DPYD: variants seen among roughly 807,000 people sequenced by gnomAD.
DPYD encodes dihydropyrimidine dehydrogenase [NADP(+)].
A neutral mutation model predicts 116.2 loss-of-function variants in DPYD; 109 were observed. The ratio of observed to expected loss-of-function variants is 0.94; its 90% CI spans 0.80 to 1.10. DPYD has a LOEUF of 1.10. Among genes scored for constraint, DPYD ranks in the 50% least tolerant of loss-of-function variants. The pLI is 0.00. For synonymous variants in DPYD, 440 were observed against 432.0 expected (o/e 1.02, Z -0.23); for missense variants, 1,302 against 1,254.5 (o/e 1.04, Z -0.57).
chr1:97,140,022 ATTT>A (rs796701262), intron 20 of DPYD, among the ~76,000 whole-genome samples: 3 of 146,686 alleles, frequency 2.0e-5, no homozygotes, highest in Middle Eastern at 3.5e-3. Context: ...GGCAACTGAC[ATTT>A]TTTTTTTTTT....
chr1:97,364,504 C>T (rs1670920577), intron 16 of DPYD, among the ~76,000 whole-genome samples: 1 of 152,148 alleles, frequency 6.6e-6, no homozygotes, highest in African/African-American at 2.4e-5. Flanking sequence ...AATTGTAATT[C>T]ATGCTTTAAA....
intron 15 of DPYD, among the ~76,000 whole-genome samples, chr1:97,381,605 T>C (rs2101560783): frequency 6.6e-6 from 1 of 152,324 alleles, no homozygotes; most frequent in African/African-American, 2.4e-5. Flanking sequence ...AAATAAAATG[T>C]ATAATCAACA....
intron 18 of DPYD, among the ~76,000 whole-genome samples, chr1:97,238,394 T>C (rs1662098353): frequency 6.6e-6 from 1 of 152,120 alleles, no homozygotes; most frequent in Non-Finnish European, 1.5e-5. Context: ...AGCATTTTTA[T>C]GGGGAATAGT....
Position 97,913,659 on chromosome 1 carries a change from C to T in DPYD, c.39+7225G>A, listed in dbSNP as rs560728556. On this transcript the variant is annotated intron_variant, in intron 1 of 22. Coordinates refer to ENST00000370192, the MANE Select transcript of DPYD (RefSeq NM_000110.4). ...TAATGTTTCTATAAATTTTAACATG[C>T]TACAATTTTTCATGTCAGTCTTAAA... 2.0e-5 allele frequency among the ~76,000 whole-genome samples: 3 copies of T among 152,242 alleles called. No homozygotes were observed. In the South Asian group the frequency reaches 6.2e-4, roughly 32 times the overall value.
At chr1:97,159,609 A>G (rs1278964083) in intron 20 of DPYD, among the ~76,000 whole-genome samples, 1 of 152,070 alleles carries the variant, frequency 6.6e-6, no homozygotes, top group Admixed American at 6.6e-5. Context: ...AGCTTAAGGT[A>G]GATAAATAAA....
intron 3 of DPYD, among the ~76,000 whole-genome samples, chr1:97,819,866 A>C (rs1034217): frequency 6.6e-6 from 1 of 151,908 alleles, no homozygotes; most frequent in African/African-American, 2.4e-5. Context: ...GACTGCAAAG[A>C]GGAGATTTTA....
chr1:97,814,533 T>A (rs1668484355), intron 3 of DPYD, among the ~76,000 whole-genome samples: 1 of 152,102 alleles, frequency 6.6e-6, no homozygotes, highest in Admixed American at 6.6e-5. Flanking sequence ...AACAGGAATT[T>A]TTATACAACT....
intron 4 of DPYD, among the ~76,000 whole-genome samples, chr1:97,721,988 TA>T (rs1331137487): frequency 1.3e-5 from 2 of 151,706 alleles, no homozygotes; most frequent in Non-Finnish European, 3.0e-5. Flanking sequence ...TGTCAAAAAT[TA>T]TTCATTTCAC....
chr1:97,888,855 G>C (rs1672633822), intron 1 of DPYD, among the ~76,000 whole-genome samples: 1 of 151,974 alleles, frequency 6.6e-6, no homozygotes, highest in Non-Finnish European at 1.5e-5. Context: ...TGACTTATAA[G>C]AATTACTAAA....
chr1:97,140,031 T>C (rs1159618688), intron 20 of DPYD, among the ~76,000 whole-genome samples: 1 of 152,028 alleles, frequency 6.6e-6, no homozygotes, highest in African/African-American at 2.4e-5. Context: ...CATTTTTTTT[T>C]TTTTTTACTC....
At chr1:97,677,561 C>T (rs1031686191) in intron 8 of DPYD, among the ~76,000 whole-genome samples, 36 of 152,040 alleles carry the variant, frequency 2.4e-4, no homozygotes, top group African/African-American at 8.7e-4. Context: ...ATATAGTATG[C>T]CTAAAAATAG....
intron 2 of DPYD, among the ~76,000 whole-genome samples, chr1:97,841,040 C>G (rs1175593289): frequency 2.0e-5 from 3 of 151,900 alleles, no homozygotes; most frequent in African/African-American, 4.8e-5. Context: ...AATTGTTCAC[C>G]CTAACACAGA....
In DPYD at chr1:97,780,204, A is replaced by C. The variant is rs574432415; in HGVS notation, c.234-39725T>G. On this transcript the variant is annotated intron_variant, in intron 3 of 22. Transcript: ENST00000370192. ...TCTTTTCGAATTAAGCAGAATTACT[A>C]ACAAAAACATTTCAGTAAAATGCTC... 5.9e-5 allele frequency among the ~76,000 whole-genome samples: 9 copies of C among 152,344 alleles called. No homozygotes were observed. The South Asian group carries it at 1.9e-3, about 32-fold the overall frequency.
At chr1:97,246,619 C>T (rs1279868338) in intron 18 of DPYD, among the ~76,000 whole-genome samples, 2 of 152,004 alleles carry the variant, frequency 1.3e-5, no homozygotes, top group Non-Finnish European at 2.9e-5. Context: ...ACTAAAGTAG[C>T]CTCTCAGGTT....
chr1:97,669,543 T>C (rs894292914), intron 8 of DPYD, among the ~76,000 whole-genome samples: 1 of 152,174 alleles, frequency 6.6e-6, no homozygotes, highest in Non-Finnish European at 1.5e-5. Flanking sequence ...GCATTGCTTC[T>C]AAAATAGATT....
rs775551741 is a variant in DPYD at position 97,306,211 on chromosome 1, A to G, written c.2145T>C (p.Thr715=). The G allele has an allele frequency of 6.2e-7, 1 of 1,612,612 alleles. No individual in the cohort carries two copies. Among genetic ancestry groups the G allele is most frequent in the African/African-American group, 1.3e-5 (1 of 74,934 alleles). Residue 715 remains threonine, a synonymous_variant, in exon 17 of 23, where the codon ACT becomes ACC. Transcript: ENST00000370192. ...PFFAKLTPNV[T]DIVSIARAAK... is the part of the protein sequence containing the mutation. ...CAGCTCTTGCGATGCTCACAATATC[A>G]GTGACATTTGGGGTCAGCTTGGCAA...
intron 13 of DPYD, among the ~76,000 whole-genome samples, chr1:97,480,706 C>A (rs1678246829): frequency 6.6e-6 from 1 of 152,168 alleles, no homozygotes; most frequent in Non-Finnish European, 1.5e-5. Flanking sequence ...AAAGGCTGGG[C>A]ACGGTGGCTC....
At chr1:97,557,311 T>TC (rs1557796844) in intron 11 of DPYD, among the ~76,000 whole-genome samples, 2 of 137,914 alleles carry the variant, frequency 1.5e-5, no homozygotes, top group African/African-American at 5.6e-5. Context: ...TTCTTTTCTT[T>TC]TTTTTTTTTT....
At chr1:97,644,887 T>C (rs942272151) in intron 8 of DPYD, among the ~76,000 whole-genome samples, 1 of 152,112 alleles carries the variant, frequency 6.6e-6, no homozygotes, top group African/African-American at 2.4e-5. Flanking sequence ...GTCTCCTCTA[T>C]CTTAAGTTTT....
Sources: gnomAD v4.1 joint callset for allele counts (sites outside exome capture counted in the v4.1 genomes callset) on GRCh38, gnomAD v4.1.1 for gene constraint, MANE v1.5 for transcripts, NCBI Gene and HGNC (gene_info 2026-07-23, HGNC 2026-07-21) for gene names.